Variants in COL10A1 observed in about 807,000 individuals in gnomAD.
The protein encoded by COL10A1 is collagen type X alpha 1 chain.
COL10A1 carries 10 observed loss-of-function variants against 18.2 expected under a neutral mutation model. The ratio of observed to expected loss-of-function variants is 0.55; its 90% CI spans 0.34 to 0.93. COL10A1 has a LOEUF of 0.93. COL10A1 is among the 40% of genes least tolerant of loss of function. The pLI is 0.02. For missense variants in COL10A1, 897 were observed against 853.5 expected (o/e 1.05, Z -0.64); for synonymous variants, 330 against 316.6 (o/e 1.04, Z -0.45).
intron 1 of COL10A1, chr6:116,145,442 A>G (rs1335668779): frequency 2.6e-6 from 1 of 381,078 alleles, no homozygotes; most frequent in Non-Finnish European, 5.9e-6. Flanking sequence ...TCTTAGTAAG[A>G]AGATTGGCCA....
chr6:116,199,688 G>A, the COL10A1 span, among the ~76,000 whole-genome samples: 1 of 152,114 alleles, frequency 6.6e-6, no homozygotes, highest in East Asian at 1.9e-4. Flanking sequence ...TTACAATGAT[G>A]GAGGTGTGTA....
intron 1 of COL10A1, among the ~76,000 whole-genome samples, chr6:116,135,849 A>G (rs866836174): frequency 0.058 from 5,904 of 102,374 alleles, 448 homozygotes; most frequent in African/African-American, 0.22. Context: ...ATATATATAT[A>G]TATATATATA....
At position 116,121,304 on chromosome 6, in the gene COL10A1, G is replaced by T; in HGVS notation, c.812C>A (p.Ala271Asp). ...TCCTGGAATCCCTGGCTGGCCTGGG[G>T]CTCCAGCAGCTCCTGGCTTTCCAAT... ...EGIGKPGAAG[A>D]PGQPGIPGTK... The change falls in exon 3 of 3, where the codon GCC becomes GAC. Residue 271 changes from alanine (A) to aspartate (D), a missense_variant. By Grantham distance (126) the Ala-to-Asp change is moderately radical. Transcript: ENST00000651968. 1 of 1,613,984 alleles carries T rather than the reference G, an allele frequency of 6.2e-7. No individual in the cohort carries two copies. The highest frequency in any genetic ancestry group is 8.5e-7 in the Non-Finnish European group (1 of 1,179,948).
upstream of COL10A1, among the ~76,000 whole-genome samples, chr6:116,130,083 TA>T (rs1779423773): frequency 6.6e-6 from 1 of 152,324 alleles, no homozygotes; most frequent in Non-Finnish European, 1.5e-5. Flanking sequence ...TTATAGGTTA[TA>T]AAATGATGAT....
upstream of COL10A1, among the ~76,000 whole-genome samples, chr6:116,129,870 G>T (rs1315875335): frequency 6.6e-6 from 1 of 152,046 alleles, no homozygotes; most frequent in African/African-American, 2.4e-5. Context: ...GTGGAGATTG[G>T]TAGTTAAATC....
At chr6:116,141,172 G>A (rs760775267) in intron 1 of COL10A1, among the ~76,000 whole-genome samples, 1 of 151,966 alleles carries the variant, frequency 6.6e-6, no homozygotes, top group African/African-American at 2.4e-5. Flanking sequence ...TGATTCGAAT[G>A]ATGGTGAGCA....
rs73772259 is a variant in COL10A1, at chr6:116,122,175, A to G, written c.155-214T>C. ...ATGGTTTCACAAAACCATGGCTACC[A>G]TAATACTTTTATCCCATGACAGTGA... On this transcript the variant is annotated intron_variant, in intron 2 of 2. Transcript: ENST00000651968. Among the ~76,000 whole-genome samples the G allele has an allele frequency of 4.3e-3, 659 of 152,348 alleles. 6 individuals carry two copies. Among genetic ancestry groups the G allele is most frequent in the African/African-American group, 0.015 (640 of 41,578 alleles).
chr6:116,121,787 A>G lies in COL10A1; in HGVS notation c.329T>C (p.Val110Ala), dbSNP rs765035484. ...TCCTGGTTTTCCTGGGAGTCCTGGC[A>G]CACCTGGTTTCCCTACAGCTGATGG... is the stretch of plus-strand genomic sequence containing the variant. ...PGPSAVGKPG[V>A]PGLPGKPGER... The change falls in exon 3 of 3, where the codon GTG (valine) becomes GCG (alanine). Residue 110 changes from valine to alanine, a missense_variant. By Grantham distance (64) the Val-to-Ala change is moderately conservative. Coordinates refer to ENST00000651968, the MANE Select transcript of COL10A1 (RefSeq NM_000493.4). 1 of 1,611,614 alleles carries G rather than the reference A, an allele frequency of 6.2e-7. No individual in the cohort carries two copies. The highest frequency in any genetic ancestry group is 1.1e-5 in the South Asian group (1 of 90,946).
the COL10A1 span, among the ~76,000 whole-genome samples, chr6:116,177,083 T>C: frequency 6.6e-6 from 1 of 152,198 alleles, no homozygotes; most frequent in African/African-American, 2.4e-5. Flanking sequence ...GTTTCTGTTA[T>C]AATATGTGGA....
Position 116,121,514 on chromosome 6 carries a change from T to C in COL10A1, c.602A>G (p.Glu201Gly), listed in dbSNP as rs779159900. Residue 201 changes from glutamate (E) to glycine (G), a missense_variant, in exon 3 of 3, where the codon GAG becomes GGG. Glu to Gly is a moderately conservative substitution (Grantham distance 98, BLOSUM62 -2). Coordinates refer to ENST00000651968, the MANE Select transcript of COL10A1 (RefSeq NM_000493.4). The part of the protein sequence containing the change: ...MGYGAPGRPG[E>G]RGLPGPQGPT... Reference sequence around the variant, plus strand: ...ACCCTGAGGGCCTGGAAGACCCCTCTCACCTGGACGACCAGGAGCACCATA... The same window carrying C: ...ACCCTGAGGGCCTGGAAGACCCCTCCCACCTGGACGACCAGGAGCACCATA... The C allele has an allele frequency of 1.2e-6, 2 of 1,614,084 alleles. No individual in the cohort carries two copies. Among genetic ancestry groups the C allele is most frequent in the Non-Finnish European group, 1.7e-6 (2 of 1,179,994 alleles).
the COL10A1 span, among the ~76,000 whole-genome samples, chr6:116,170,889 A>G: frequency 6.6e-6 from 1 of 152,204 alleles, no homozygotes; most frequent in South Asian, 2.1e-4. Context: ...TTCAAACTGC[A>G]GCTTAAGGTC....
intron 1 of COL10A1, among the ~76,000 whole-genome samples, chr6:116,135,872 TAC>T (rs71554839): frequency 0.23 from 27,655 of 121,048 alleles, 3,271 homozygotes; most frequent in Middle Eastern, 0.34. Context: ...TATATATATA[TAC>T]ACACATACAC....
At position 116,121,489 on chromosome 6, in the gene COL10A1, AC is replaced by A. The variant is rs773630614; in HGVS notation, c.626del (p.Gly209ValfsTer81). Reference sequence around the variant, plus strand: ...CAGGAGGGCCAGATGGTCCTGTGGGACCCTGAGGGCCTGGAAGACCCCTCTC... The same window carrying A: ...CAGGAGGGCCAGATGGTCCTGTGGGACCTGAGGGCCTGGAAGACCCCTCTC... The part of the protein sequence containing the change: ...PGERGLPGPQ[G>X]PTGPSGPPGV... On this transcript the variant is annotated frameshift_variant, in exon 3 of 3. Coordinates refer to ENST00000651968, the MANE Select transcript of COL10A1 (RefSeq NM_000493.4). LOFTEE classifies it low-confidence loss of function (END_TRUNC). 3 of 1,613,578 alleles carry A rather than the reference AC, an allele frequency of 1.9e-6. No homozygotes were observed. The South Asian group carries it at 3.3e-5, about 18-fold the overall frequency.
Position 116,135,688 on chromosome 6 carries a change from G to A in COL10A1, c.-15-10181C>T, listed in dbSNP as rs565044405. Among the ~76,000 whole-genome samples the A allele has an allele frequency of 6.0e-5, 9 of 150,764 alleles. No individual in the cohort carries two copies. The East Asian group carries it at 1.6e-3, about 26-fold the overall frequency. ...TTTTTTTCCTGATATATATGCTGCTGGCAGTACTCTAAACTGTGGATCAAC... is the reference window on the plus strand; with the variant it reads ...TTTTTTTCCTGATATATATGCTGCTAGCAGTACTCTAAACTGTGGATCAAC... On this transcript the variant is annotated intron_variant, in intron 1 of 1. Transcript: ENST00000418500.
chr6:116,177,801 A>G, the COL10A1 span, among the ~76,000 whole-genome samples: 2 of 152,216 alleles, frequency 1.3e-5, no homozygotes, highest in Non-Finnish European at 2.9e-5. Flanking sequence ...GCATTAAAGC[A>G]TCCCATTTGT....
At chr6:116,135,867 A>ATATATATATATATGTATG (rs1779585136) in intron 1 of COL10A1, among the ~76,000 whole-genome samples, 1 of 116,176 alleles carries the variant, frequency 8.6e-6, no homozygotes, top group African/African-American at 3.8e-5. Flanking sequence ...ATATATATAT[A>ATATATATATATATGTATG]TATATACACA....
intron 1 of COL10A1, among the ~76,000 whole-genome samples, chr6:116,155,605 G>A (rs189054445): frequency 4.6e-5 from 7 of 152,112 alleles, no homozygotes; most frequent in Admixed American, 3.3e-4. Context: ...TATTCTGCAG[G>A]TCAATGAAAT....
At chr6:116,216,549 C>T in the COL10A1 span, among the ~76,000 whole-genome samples, 1 of 151,822 alleles carries the variant, frequency 6.6e-6, no homozygotes, top group Non-Finnish European at 1.5e-5. Flanking sequence ...ATATTCTGTA[C>T]TTCATTTCCC....
At chr6:116,138,408 G>A (rs570322283) in intron 1 of COL10A1, among the ~76,000 whole-genome samples, 27 of 152,274 alleles carry the variant, frequency 1.8e-4, no homozygotes, top group African/African-American at 6.0e-4. Flanking sequence ...TTGTGTGAAA[G>A]TGTAATCCCA....
Sources: allele counts gnomAD v4.1 joint callset (sites outside exome capture counted in the v4.1 genomes callset), GRCh38; gene constraint gnomAD v4.1.1; transcripts MANE v1.5; gene names NCBI Gene and HGNC (gene_info 2026-07-23, HGNC 2026-07-21).